The following EPS8 variants were observed in gnomAD, a reference collection of about 807,000 sequenced individuals.
EPS8 encodes the protein EGFR pathway substrate 8, signaling adaptor, also known as epidermal growth factor receptor kinase substrate 8.
In EPS8, 42 loss-of-function variants were observed where a neutral mutation model predicts 103.8. The observed-to-expected ratio is 0.40, with a 90% CI of 0.32 to 0.52. The LOEUF (loss-of-function observed/expected upper bound fraction) is 0.52. EPS8 is among the 20% of genes least tolerant of loss of function. The pLI, the probability that EPS8 is intolerant of heterozygous loss-of-function variation, is 0.40. For missense variants in EPS8, 969 were observed against 1,005.1 expected (o/e 0.96, Z 0.49); for synonymous variants, 344 against 344.6 (o/e 1.00, Z 0.02).
rs149971109 is a variant in EPS8 at position 15,650,956 on chromosome 12, C to T, written c.1301G>A (p.Arg434His). Reference sequence around the variant, plus strand: ...CAGCATTGGGGGCTCCCAGCCATTGCGGAATCGTGGAACATATGGTGGAAT... The same window carrying T: ...CAGCATTGGGGGCTCCCAGCCATTGTGGAATCGTGGAACATATGGTGGAAT... ...QFIPPYVPRFRNGWEPPMLNF... is the reference protein window; with the variant it reads ...QFIPPYVPRFHNGWEPPMLNF... The change falls in exon 14 of 21, where the codon CGC (arginine) becomes CAC (histidine). Residue 434 changes from arginine to histidine, a missense_variant. By Grantham distance (29) the Arg-to-His change is conservative (BLOSUM62 0). Transcript: ENST00000281172. 6.8e-5 allele frequency: 109 copies of T among 1,613,994 alleles called. No individual in the cohort carries two copies. The highest frequency in any genetic ancestry group is 5.2e-4 in the South Asian group (47 of 91,066).
chr12:15,757,871 G>C lies in EPS8; in HGVS notation c.-22+31290C>G, dbSNP rs1048755222. On this transcript the variant is annotated intron_variant, in intron 1 of 20. Coordinates refer to ENST00000281172, the MANE Select transcript of EPS8 (RefSeq NM_004447.6). The surrounding 1 kb of genome is among the most constrained non-coding windows in gnomAD (Gnocchi z 4.1). ...AGAAGAACAATAGCGTAAGGTACTA[G>C]CTCTCACAGTTTCTTTGCATCAAGA... Among the ~76,000 whole-genome samples, 3 of 152,148 alleles carry C rather than the reference G, an allele frequency of 2.0e-5. No individual in the cohort carries two copies. Among genetic ancestry groups the C allele is most frequent in the African/African-American group, 7.2e-5 (3 of 41,416 alleles).
intron 1 of EPS8, among the ~76,000 whole-genome samples, chr12:15,746,859 A>G (rs1370244711): frequency 6.6e-6 from 1 of 152,110 alleles, no homozygotes; most frequent in Non-Finnish European, 1.5e-5. Context: ...ATATACTCCT[A>G]CTGTCCACTA....
intron 17 of EPS8, among the ~76,000 whole-genome samples, chr12:15,635,468 A>T (rs1565470441): frequency 6.6e-6 from 1 of 152,166 alleles, no homozygotes; most frequent in East Asian, 1.9e-4. Context: ...TATTATCAGG[A>T]GGTTGGCCTG....
chr12:15,730,953 C>T (rs1946708947), intron 1 of EPS8, among the ~76,000 whole-genome samples: 2 of 151,974 alleles, frequency 1.3e-5, no homozygotes, highest in African/African-American at 4.8e-5. Flanking sequence ...CAATAGCACA[C>T]AAGGTCTATT....
chr12:15,774,090 T>A (rs1404268540), intron 1 of EPS8, among the ~76,000 whole-genome samples: 1 of 151,986 alleles, frequency 6.6e-6, no homozygotes. Context: ...ACCAATATAT[T>A]CAAATACTAC....
chr12:15,679,526 G>A (rs1007776711), intron 3 of EPS8, among the ~76,000 whole-genome samples: 1 of 152,168 alleles, frequency 6.6e-6, no homozygotes, highest in African/African-American at 2.4e-5. Context: ...CACCTTCACA[G>A]CATTGATAGT....
In EPS8 at chr12:15,777,258, T is replaced by G. The variant is rs1260568850; in HGVS notation, c.-22+11903A>C. Among the ~76,000 whole-genome samples, 4 of 151,704 alleles carry G rather than the reference T, an allele frequency of 2.6e-5. No individual in the cohort carries two copies. Among genetic ancestry groups the G allele is most frequent in the Non-Finnish European group, 5.9e-5 (4 of 67,916 alleles). Reference sequence around the variant, plus strand: ...ATTCCCTACAGTGATAAGGGGTACTTACAAAGCAGAATGAAAAAAAACACA... The same window carrying G: ...ATTCCCTACAGTGATAAGGGGTACTGACAAAGCAGAATGAAAAAAAACACA... On this transcript the variant is annotated intron_variant, in intron 1 of 20. Coordinates refer to ENST00000281172, the MANE Select transcript of EPS8 (RefSeq NM_004447.6). This position sits in a 1 kb window ranked among gnomAD's most constrained non-coding sequence, Gnocchi z 4.7.
intron 17 of EPS8, 80 bp downstream of exon 17, chr12:15,640,623 C>T (rs1945211987): frequency 1.5e-6 from 2 of 1,307,314 alleles, no homozygotes; most frequent in Admixed American, 4.0e-5. Context: ...GATCAATACA[C>T]AAAGGTGTTT....
In EPS8 at chr12:15,784,067, A is replaced by C. The variant is rs1459382233; in HGVS notation, c.-22+5094T>G. Among the ~76,000 whole-genome samples, 1 of 152,164 alleles carries C rather than the reference A, an allele frequency of 6.6e-6. No homozygotes were observed. The highest frequency in any genetic ancestry group is 6.5e-5 in the Admixed American group (1 of 15,278). On this transcript the variant is annotated intron_variant, in intron 1 of 20. Transcript: ENST00000281172. The surrounding 1 kb of genome is among the most constrained non-coding windows in gnomAD (Gnocchi z 4.0). ...GCAAAACTATAAAACTTCTAGGAAAAACACAGGATAAAATCTATGTAGCCT... is the reference window on the plus strand; with the variant it reads ...GCAAAACTATAAAACTTCTAGGAAACACACAGGATAAAATCTATGTAGCCT...
Position 15,752,532 on chromosome 12 carries a change from G to A in EPS8, c.-22+36629C>T, listed in dbSNP as rs1184847878. On this transcript the variant is annotated intron_variant, in intron 1 of 20. Coordinates refer to ENST00000281172, the MANE Select transcript of EPS8 (RefSeq NM_004447.6). The surrounding 1 kb of genome is among the most constrained non-coding windows in gnomAD (Gnocchi z 4.4). The stretch of plus-strand genomic sequence containing the variant: ...GCCTAAGTTGAGCCTTTTAGCAGGA[G>A]TGAAATATTCCCAGCAATGGAATTA... Among the ~76,000 whole-genome samples the A allele has an allele frequency of 1.3e-5, 2 of 152,020 alleles. No individual in the cohort carries two copies. Among genetic ancestry groups the A allele is most frequent in the African/African-American group, 2.4e-5 (1 of 41,372 alleles).
Position 15,702,536 on chromosome 12 carries a change from G to A in EPS8, c.-21-19564C>T, listed in dbSNP as rs551319168. 9.9e-5 allele frequency among the ~76,000 whole-genome samples: 15 copies of A among 152,020 alleles called. No homozygotes were observed. In the South Asian group the frequency reaches 3.1e-3, roughly 32 times the overall value. On this transcript the variant is annotated intron_variant, in intron 1 of 20. Coordinates refer to ENST00000281172, the MANE Select transcript of EPS8 (RefSeq NM_004447.6). The surrounding 1 kb of genome is among the most constrained non-coding windows in gnomAD (Gnocchi z 5.1). ...TGAATGTCTATGAGATCAGTGTCTG[G>A]AAATCTTCATAGAGCAGCAGCAAAC...
At chr12:15,638,024 G>C (rs1284677307) in intron 17 of EPS8, among the ~76,000 whole-genome samples, 1 of 152,096 alleles carries the variant, frequency 6.6e-6, no homozygotes, top group East Asian at 1.9e-4. Context: ...ATAAGGTTAG[G>C]GTATTAGGAT....
intron 12 of EPS8, among the ~76,000 whole-genome samples, chr12:15,657,001 T>G (rs1945518540): frequency 6.6e-6 from 1 of 152,158 alleles, no homozygotes; most frequent in Admixed American, 6.6e-5. Flanking sequence ...CCCTAGCTTT[T>G]TCTTCCCCAA....
intron 1 of EPS8, among the ~76,000 whole-genome samples, chr12:15,746,232 TA>T (rs1323199388): frequency 6.6e-6 from 1 of 152,192 alleles, no homozygotes; most frequent in Non-Finnish European, 1.5e-5. Context: ...TATTGCATGC[TA>T]ACCAGCTAGT....
At chr12:15,655,289 C>T (rs1383462841) in intron 12 of EPS8, among the ~76,000 whole-genome samples, 1 of 152,178 alleles carries the variant, frequency 6.6e-6, no homozygotes, top group African/African-American at 2.4e-5. Flanking sequence ...GTCCTCTAAA[C>T]AATTTATGCA....
intron 1 of EPS8, among the ~76,000 whole-genome samples, chr12:15,763,555 G>A (rs1947063091): frequency 6.6e-6 from 1 of 152,142 alleles, no homozygotes; most frequent in Admixed American, 6.5e-5. Flanking sequence ...TTCACAACAA[G>A]GGGCCTCTGT....
Position 15,650,825 on chromosome 12 carries a change from C to T in EPS8, c.1432G>A (p.Glu478Lys). 6.2e-7 allele frequency: 1 copy of T among 1,613,002 alleles called. No individual in the cohort carries two copies. Among genetic ancestry groups the T allele is most frequent in the Non-Finnish European group, 8.5e-7 (1 of 1,179,386 alleles). The change falls in exon 14 of 21, where the codon GAG (glutamate) becomes AAG (lysine). Residue 478 changes from glutamate to lysine, a missense_variant and splice_region_variant. Coordinates refer to ENST00000281172, the MANE Select transcript of EPS8 (RefSeq NM_004447.6). ...RKQEIKRLST[E>K]HSSVSEYHPA... ...GGCAATGTTAAAAAAAAAACTACCT[C>T]TGTGGATAATCTTTTTATTTCCTGT...
At chr12:15,741,454 A>G (rs1003178221) in intron 1 of EPS8, among the ~76,000 whole-genome samples, 1 of 152,118 alleles carries the variant, frequency 6.6e-6, no homozygotes, top group African/African-American at 2.4e-5. Flanking sequence ...TTGTAGGTTG[A>G]CCATCTGCAG....
chr12:15,772,719 A>T lies in EPS8; in HGVS notation c.-22+16442T>A, dbSNP rs1237624673. Among the ~76,000 whole-genome samples, 1 of 151,982 alleles carries T rather than the reference A, an allele frequency of 6.6e-6. No homozygotes were observed. Among genetic ancestry groups the T allele is most frequent in the East Asian group, 1.9e-4 (1 of 5,180 alleles). On this transcript the variant is annotated intron_variant, in intron 1 of 20. Transcript: ENST00000281172. The surrounding 1 kb of genome is among the most constrained non-coding windows in gnomAD (Gnocchi z 5.0). ...TAGATGGGTAACAAAGCAGAGGTAG[A>T]TGTTAACCAGGAAAGAACAGCACCA...
Sources: gnomAD v4.1 joint callset for allele counts (sites outside exome capture counted in the v4.1 genomes callset) on GRCh38, gnomAD v4.1.1 for gene constraint, Gnocchi (gnomAD v3.1) non-coding constraint, MANE v1.5 for transcripts, NCBI Gene and HGNC (gene_info 2026-07-23, HGNC 2026-07-21) for gene names.